Variants in ITSN1 observed in about 807,000 individuals in gnomAD.
ITSN1 encodes intersectin 1.
A neutral mutation model predicts 239.8 loss-of-function variants in ITSN1; 58 were observed. That is an observed-to-expected ratio of 0.24 (90% CI 0.20 to 0.30). The LOEUF is 0.30. Among genes scored for constraint, ITSN1 ranks in the 10% least tolerant of loss-of-function variants. ITSN1 has a pLI of 1.00. For missense variants in ITSN1, 1,558 were observed against 2,103.3 expected (o/e 0.74, Z 5.07); for synonymous variants, 780 against 770.8 (o/e 1.01, Z -0.20).
intron 1 of ITSN1, among the ~76,000 whole-genome samples, chr21:33,706,712 C>T (rs1346399061): frequency 6.6e-6 from 1 of 152,074 alleles, no homozygotes; most frequent in Non-Finnish European, 1.5e-5. Context: ...CAGTCCACAC[C>T]ATTTGTTCTA....
chr21:33,703,888 A>C (rs1476040056), intron 1 of ITSN1, among the ~76,000 whole-genome samples: 2 of 152,124 alleles, frequency 1.3e-5, no homozygotes, highest in Non-Finnish European at 2.9e-5. Context: ...CTCCTCGCCG[A>C]AGAGCTCCGG....
chr21:33,656,542 C>CT (rs1004291679), intron 1 of ITSN1, among the ~76,000 whole-genome samples: 9 of 151,050 alleles, frequency 6.0e-5, no homozygotes, highest in South Asian at 4.2e-4. Flanking sequence ...CTGAAACAAG[C>CT]TTTTTTTTTG....
At chr21:33,676,643 A>G (rs2090611629) in intron 1 of ITSN1, among the ~76,000 whole-genome samples, 1 of 152,218 alleles carries the variant, frequency 6.6e-6, no homozygotes, top group Non-Finnish European at 1.5e-5. Flanking sequence ...TTACATTTTT[A>G]AATATTGAAT....
At chr21:33,824,207 T>C (rs1438657875) in intron 25 of ITSN1, among the ~76,000 whole-genome samples, 1 of 152,200 alleles carries the variant, frequency 6.6e-6, no homozygotes. Flanking sequence ...AGTGCTGTTA[T>C]CCGTATGAAT....
chr21:33,831,843 A>G (rs561166644), intron 27 of ITSN1, among the ~76,000 whole-genome samples: 15 of 152,326 alleles, frequency 9.8e-5, no homozygotes, highest in African/African-American at 3.4e-4. Flanking sequence ...CTCACTGGTT[A>G]AGGAATCTGA....
intron 33 of ITSN1, among the ~76,000 whole-genome samples, chr21:33,872,487 G>T (rs1370129657): frequency 1.3e-5 from 2 of 151,972 alleles, no homozygotes; most frequent in Admixed American, 1.3e-4. Flanking sequence ...AGTATAAAAT[G>T]GTAGTTTTTG....
rs184093252 is a variant in ITSN1 at position 33,754,607 on chromosome 21, C to T, written c.624-690C>T. Reference sequence around the variant, plus strand: ...GAACTAATCACTAAGGAAGTGTAGACGCAGCCTAACTACTGGCAAGTGTGT... The same window carrying T: ...GAACTAATCACTAAGGAAGTGTAGATGCAGCCTAACTACTGGCAAGTGTGT... On this transcript the variant is annotated intron_variant, in intron 7 of 39. Coordinates refer to ENST00000381318, the MANE Select transcript of ITSN1 (RefSeq NM_003024.3). Among the ~76,000 whole-genome samples, 4 of 152,198 alleles carry T rather than the reference C, an allele frequency of 2.6e-5. No individual in the cohort carries two copies. The East Asian group carries it at 5.8e-4, about 22-fold the overall frequency.
chr21:33,821,994 A>ATCATTTT (rs1330623837), intron 24 of ITSN1, among the ~76,000 whole-genome samples: 3 of 152,258 alleles, frequency 2.0e-5, no homozygotes, highest in African/African-American at 7.2e-5. Context: ...TGTGTGGGAA[A>ATCATTTT]TCATTTTTCC....
intron 29 of ITSN1, chr21:33,838,287 G>A (rs904544146): frequency 1.0e-6 from 1 of 985,186 alleles, no homozygotes; most frequent in Non-Finnish European, 1.2e-6. Flanking sequence ...CGGCGCTGTC[G>A]GGAGGCTGTG....
chr21:33,882,501 G>C lies in ITSN1; in HGVS notation c.4554+46G>C. 6.4e-7 allele frequency: 1 copy of C among 1,551,198 alleles called. No individual in the cohort carries two copies. Among genetic ancestry groups the C allele is most frequent in the Non-Finnish European group, 8.8e-7 (1 of 1,130,494 alleles). ...TGCATTATCAGGGTTGACGTGTTTG[G>C]GGAGGAAGAAGTTTCCAAAAAGGAG... On this transcript the variant is annotated intron_variant, in intron 35 of 39. Coordinates refer to ENST00000381318, the MANE Select transcript of ITSN1 (RefSeq NM_003024.3). This position sits in a 1 kb window ranked among gnomAD's most constrained non-coding sequence, Gnocchi z 4.5.
At chr21:33,729,876 C>T (rs1386913323) in intron 4 of ITSN1, among the ~76,000 whole-genome samples, 2 of 152,222 alleles carry the variant, frequency 1.3e-5, no homozygotes, top group Non-Finnish European at 2.9e-5. Flanking sequence ...AGGGACTCAG[C>T]TTTCAGCTTA....
At chr21:33,767,615 G>A in intron 10 of ITSN1, 98 bp from the exon 11 acceptor site, 1 of 554,212 alleles carries the variant, frequency 1.8e-6, no homozygotes, top group Non-Finnish European at 3.2e-6. Context: ...TTTGCTCCAT[G>A]GCATGGTAAA....
intron 29 of ITSN1, among the ~76,000 whole-genome samples, chr21:33,840,544 T>G (rs1020453983): frequency 1.3e-5 from 2 of 152,126 alleles, no homozygotes; most frequent in Non-Finnish European, 2.9e-5. Flanking sequence ...GTATTTTTGG[T>G]AGAGACAGGG....
chr21:33,713,762 C>G (rs945901392), intron 1 of ITSN1, among the ~76,000 whole-genome samples: 1 of 150,556 alleles, frequency 6.6e-6, no homozygotes, highest in African/African-American at 2.4e-5. Flanking sequence ...AGGAGAACCT[C>G]GCTGTGATTG....
chr21:33,660,803 T>A (rs781583432), intron 1 of ITSN1, among the ~76,000 whole-genome samples: 6 of 152,192 alleles, frequency 3.9e-5, no homozygotes. Flanking sequence ...GAACTTTTTA[T>A]CCTCTGTTAC....
At chr21:33,810,816 G>T in intron 20 of ITSN1, 159 bp from the exon 21 acceptor site, 1 of 872,968 alleles carries the variant, frequency 1.1e-6, no homozygotes, top group Admixed American at 1.8e-5. Flanking sequence ...CAGCATTACT[G>T]CTTAGACTCT....
chr21:33,703,079 C>CTGTGTGTGTG, intron 1 of ITSN1, among the ~76,000 whole-genome samples: 1 of 126,948 alleles, frequency 7.9e-6, no homozygotes, highest in African/African-American at 3.4e-5. Context: ...GAGCGAGACT[C>CTGTGTGTGTG]TGTCTGTGTG....
In ITSN1 at chr21:33,875,386, C is replaced by G; in HGVS notation, c.4206C>G (p.Asp1402Glu). ...ILENTPENHP[D>E]HSHLKHALEK... is the part of the protein sequence containing the mutation. Reference sequence around the variant, plus strand: ...AAAACACCCCTGAAAACCACCCGGACCACAGCCACTTGAAGCACGCCCTGG... The same window carrying G: ...AAAACACCCCTGAAAACCACCCGGAGCACAGCCACTTGAAGCACGCCCTGG... Residue 1402 changes from aspartate to glutamate, a missense_variant, in exon 34 of 40, where the codon GAC (aspartate) becomes GAG (glutamate). Physicochemically the swap from Asp to Glu is conservative, Grantham distance 45. Coordinates refer to ENST00000381318, the MANE Select transcript of ITSN1 (RefSeq NM_003024.3). 1 of 1,613,478 alleles carries G rather than the reference C, an allele frequency of 6.2e-7. No homozygotes were observed.
At chr21:33,705,448 C>T (rs2092213912) in intron 1 of ITSN1, among the ~76,000 whole-genome samples, 4 of 152,088 alleles carry the variant, frequency 2.6e-5, no homozygotes, top group Admixed American at 2.6e-4. Context: ...AGTGCAGTGG[C>T]ACGATCTCAG....
Sources: gnomAD v4.1 joint callset for allele counts (sites outside exome capture counted in the v4.1 genomes callset) on GRCh38, gnomAD v4.1.1 for gene constraint, Gnocchi (gnomAD v3.1) non-coding constraint, MANE v1.5 for transcripts, NCBI Gene and HGNC (gene_info 2026-07-23, HGNC 2026-07-21) for gene names.